The following ABHD12 variants were observed in gnomAD, a reference collection of about 807,000 sequenced individuals.
The protein encoded by ABHD12 is abhydrolase domain containing 12, lysophospholipase.
ABHD12 carries 43 observed loss-of-function variants against 58.3 expected under a neutral mutation model. That is an observed-to-expected ratio of 0.74 (90% CI 0.58 to 0.95). ABHD12 has a LOEUF of 0.95. Ranked by LOEUF, ABHD12 falls within the 40% of genes least tolerant of loss-of-function variation. ABHD12 has a pLI of 0.00. For missense variants in ABHD12, 539 were observed against 537.2 expected, an observed-to-expected ratio of 1.00 and a Z score of -0.03; for synonymous variants, 219 against 211.2, an observed-to-expected ratio of 1.04 and a Z score of -0.32.
intron 1 of ABHD12, among the ~76,000 whole-genome samples, chr20:25,349,054 A>C (rs1412481859): frequency 6.6e-6 from 1 of 151,226 alleles, no homozygotes; most frequent in African/African-American, 2.4e-5. Context: ...ACTGCACTCC[A>C]GCCTGGGCAA....
At chr20:25,295,464 C>A, downstream of ABHD12, 1 of 917,248 alleles carries the variant, frequency 1.1e-6, no homozygotes, top group Non-Finnish European at 1.7e-6. Flanking sequence ...CTGGCTCTGA[C>A]CAGCTGCGTG....
chr20:25,300,073 T>G (rs2088608011), downstream of ABHD12: 10 of 542,246 alleles, frequency 1.8e-5, no homozygotes, highest in Non-Finnish European at 2.1e-5. Context: ...GGCAAATTTC[T>G]GAGCTGCTGG....
At chr20:25,355,499 T>C (rs2089655086) in intron 1 of ABHD12, among the ~76,000 whole-genome samples, 1 of 152,218 alleles carries the variant, frequency 6.6e-6, no homozygotes, top group Admixed American at 6.5e-5. Flanking sequence ...TAAAGGGTTT[T>C]TTTGTTGTTT....
At chr20:25,306,187 A>C (rs1266434832) in intron 10 of ABHD12, among the ~76,000 whole-genome samples, 3 of 152,128 alleles carry the variant, frequency 2.0e-5, no homozygotes, top group African/African-American at 7.2e-5. Flanking sequence ...AAACAAAAAA[A>C]AAAAAAAGAA....
At chr20:25,296,890 A>T (rs1225098643), downstream of ABHD12, 1 of 196,628 alleles carries the variant, frequency 5.1e-6, no homozygotes, top group Non-Finnish European at 1.0e-5. Flanking sequence ...GAGCCTCTGG[A>T]TTCTGGGGTC....
At chr20:25,313,875 A>G (rs999560298) in intron 6 of ABHD12, among the ~76,000 whole-genome samples, 21 of 152,204 alleles carry the variant, frequency 1.4e-4, no homozygotes, top group African/African-American at 4.8e-4. Flanking sequence ...TCCTTGGTAT[A>G]TATCAAACTA....
intron 1 of ABHD12, among the ~76,000 whole-genome samples, chr20:25,366,759 A>C (rs2089828104): frequency 6.6e-6 from 1 of 152,202 alleles, no homozygotes; most frequent in South Asian, 2.1e-4. Flanking sequence ...CTTTATTAAC[A>C]ATCAAAATCA....
chr20:25,300,740 A>C lies in ABHD12; in HGVS notation c.*105T>G. 2.5e-6 allele frequency: 4 copies of C among 1,595,362 alleles called. No individual in the cohort carries two copies. Among genetic ancestry groups the C allele is most frequent in the Non-Finnish European group, 1.7e-6 (2 of 1,172,714 alleles). On this transcript the variant is annotated 3_prime_UTR_variant, in exon 13 of 13. Coordinates refer to ENST00000339157, the MANE Select transcript of ABHD12 (RefSeq NM_001042472.3). ...TCTCCAGGTGCGAGCTGGGCTCCTG[A>C]GCATTGCAGGTGCCGGCCCCCCGGG... is the stretch of plus-strand genomic sequence containing the variant.
At chr20:25,333,344 C>G (rs1186295201) in intron 2 of ABHD12, among the ~76,000 whole-genome samples, 1 of 120,154 alleles carries the variant, frequency 8.3e-6, no homozygotes, top group African/African-American at 2.8e-5. Flanking sequence ...GAGTCCAGGA[C>G]CAGATGGATT....
chr20:25,350,734 T>G (rs1191763981), intron 1 of ABHD12, among the ~76,000 whole-genome samples: 4 of 152,196 alleles, frequency 2.6e-5, no homozygotes, highest in Non-Finnish European at 5.9e-5. Flanking sequence ...GGACCCCCTT[T>G]GGGGATCCCA....
intron 1 of ABHD12, among the ~76,000 whole-genome samples, chr20:25,379,285 G>T (rs1240717770): frequency 1.3e-5 from 2 of 152,174 alleles, no homozygotes; most frequent in Non-Finnish European, 2.9e-5. Context: ...AACATTAAAT[G>T]TCAGAAAGAC....
At chr20:25,296,611 G>A (rs1000288218), downstream of ABHD12, 1 of 1,473,524 alleles carries the variant, frequency 6.8e-7, no homozygotes, top group African/African-American at 1.4e-5. Context: ...GCCAGCCACT[G>A]GTGGTCCCTG....
At chr20:25,371,111 A>G (rs895692220) in intron 1 of ABHD12, among the ~76,000 whole-genome samples, 2 of 152,208 alleles carry the variant, frequency 1.3e-5, no homozygotes, top group Admixed American at 6.5e-5. Flanking sequence ...AGGAAGAACG[A>G]GAGTGATCAG....
intron 1 of ABHD12, among the ~76,000 whole-genome samples, chr20:25,360,680 C>T (rs4815406): frequency 6.6e-6 from 1 of 151,872 alleles, no homozygotes; most frequent in African/African-American, 2.4e-5. Flanking sequence ...ACCAATACCA[C>T]ATTAGAAGCT....
intron 10 of ABHD12, among the ~76,000 whole-genome samples, 199 bp downstream of exon 10, chr20:25,306,634 A>G (rs2088747584): frequency 6.6e-6 from 1 of 152,138 alleles, no homozygotes; most frequent in African/African-American, 2.4e-5. Flanking sequence ...TGCCTTCCTC[A>G]GCTTCCCAAA....
chr20:25,307,545 CTG>C (rs2088767813), intron 9 of ABHD12, among the ~76,000 whole-genome samples: 1 of 152,268 alleles, frequency 6.6e-6, no homozygotes, highest in South Asian at 2.1e-4. Flanking sequence ...AGAATTCCCA[CTG>C]GGGTTCACCT....
At chr20:25,369,065 C>T (rs1343632479) in intron 1 of ABHD12, among the ~76,000 whole-genome samples, 1 of 151,974 alleles carries the variant, frequency 6.6e-6, no homozygotes, top group Non-Finnish European at 1.5e-5. Context: ...CAAGGGTAAG[C>T]CATGATTGCA....
At chr20:25,382,468 T>A (rs2090033408) in intron 1 of ABHD12, among the ~76,000 whole-genome samples, 1 of 152,042 alleles carries the variant, frequency 6.6e-6, no homozygotes, top group Non-Finnish European at 1.5e-5. Flanking sequence ...GCTTTTGAGG[T>A]TATATTTCAA....
At chr20:25,358,767 T>C (rs2089701582) in intron 1 of ABHD12, among the ~76,000 whole-genome samples, 1 of 152,066 alleles carries the variant, frequency 6.6e-6, no homozygotes. Context: ...CCAGAACACC[T>C]TTCAGGGTCA....
Sources: gnomAD v4.1 joint callset for allele counts (sites outside exome capture counted in the v4.1 genomes callset) on GRCh38, gnomAD v4.1.1 for gene constraint, MANE v1.5 for transcripts, NCBI Gene and HGNC (gene_info 2026-07-23, HGNC 2026-07-21) for gene names.